SLC5A7: variants seen among roughly 807,000 people sequenced by gnomAD.
SLC5A7 encodes the protein high affinity choline transporter 1.
Under a neutral mutation model 55.4 loss-of-function variants are expected in SLC5A7, and 19 were observed. The observed-to-expected ratio is 0.34, with a 90% CI of 0.24 to 0.50. SLC5A7 has a LOEUF of 0.50. Among genes scored for constraint, SLC5A7 ranks in the 20% least tolerant of loss-of-function variants. The pLI is 0.98. For synonymous variants in SLC5A7, 265 were observed against 263.7 expected (o/e 1.00, Z -0.05); for missense variants, 506 against 705.3 (o/e 0.72, Z 3.20).
chr2:107,987,844 G>C (rs1319174736), intron 1 of SLC5A7, among the ~76,000 whole-genome samples: 1 of 152,096 alleles, frequency 6.6e-6, no homozygotes, highest in Non-Finnish European at 1.5e-5. Flanking sequence ...AAACACACAA[G>C]GATTATGATT....
intron 2 of SLC5A7, 103 bp downstream of exon 2, chr2:107,988,436 C>A: frequency 1.0e-6 from 1 of 992,188 alleles, no homozygotes; most frequent in Non-Finnish European, 1.4e-6. Flanking sequence ...TGGTCTTTGT[C>A]CTTTGGGGAT....
In SLC5A7 at chr2:108,012,251, T is replaced by C. The variant is rs1678361793; in HGVS notation, c.*1390T>C. Reference sequence around the variant, plus strand: ...TCACACCAGTCACACATTATAGAAATTACTGGAGCCATGTCTACAAAAGCA... The same window carrying C: ...TCACACCAGTCACACATTATAGAAACTACTGGAGCCATGTCTACAAAAGCA... On this transcript the variant is annotated 3_prime_UTR_variant, in exon 9 of 9. Transcript: ENST00000264047. 6.6e-6 allele frequency: 1 copy of C among 152,022 alleles called. No homozygotes were observed. Among genetic ancestry groups the C allele is most frequent in the African/African-American group, 2.4e-5 (1 of 41,396 alleles). The allele number at this position is 152,022 out of a possible 1,614,324, so 9.4% of individuals were successfully genotyped here.
intron 1 of SLC5A7, among the ~76,000 whole-genome samples, chr2:107,987,548 T>C (rs3806531): frequency 0.36 from 54,715 of 152,074 alleles, 10,104 homozygotes; most frequent in Middle Eastern, 0.54. Context: ...GTTTTTGAAA[T>C]GGATTTTTCT....
intron 5 of SLC5A7, among the ~76,000 whole-genome samples, chr2:107,999,283 A>T (rs1677794719): frequency 1.3e-5 from 2 of 152,254 alleles, no homozygotes; most frequent in African/African-American, 4.8e-5. Flanking sequence ...AATAGGGAAC[A>T]TAGAAATAAA....
At chr2:107,986,975 A>G (rs2433718) in intron 1 of SLC5A7, among the ~76,000 whole-genome samples, 124,385 of 151,968 alleles carry the variant, frequency 0.82, 51,698 homozygotes, top group African/African-American at 0.9. Context: ...GGCCGAGGAA[A>G]GGCCGCAGGG....
At chr2:108,002,337 A>T (rs188223136) in intron 6 of SLC5A7, among the ~76,000 whole-genome samples, 1 of 152,132 alleles carries the variant, frequency 6.6e-6, no homozygotes, top group Admixed American at 6.6e-5. Context: ...ACTTTCCCCA[A>T]CCTGAAGGCA....
At position 108,012,055 on chromosome 2, in the gene SLC5A7, A is replaced by G. The variant is rs915454982; in HGVS notation, c.*1194A>G. ...GAAAGCAAAAAATAAAATAAGTCCT[A>G]AAGTGAAGAAGCCATCAATTTTAAC... is the stretch of plus-strand genomic sequence containing the variant. On this transcript the variant is annotated 3_prime_UTR_variant, in exon 9 of 9. Transcript: ENST00000264047. 3 of 152,598 alleles carry G rather than the reference A, an allele frequency of 2.0e-5. No homozygotes were observed. The highest frequency in any genetic ancestry group is 7.2e-5 in the African/African-American group (3 of 41,446). 9.5% of individuals were successfully genotyped at this position (152,598 alleles called of 1,614,324 possible).
chr2:108,001,774 G>A (rs921601394), intron 5 of SLC5A7, 123 bp from the exon 6 acceptor site: 33 of 945,890 alleles, frequency 3.5e-5, no homozygotes, highest in South Asian at 1.4e-4. Context: ...CATGATTTCC[G>A]ATCCTTCTCT....
rs868444994 is a variant in SLC5A7 at position 108,000,927 on chromosome 2, T to C, written c.598-970T>C. 2.4e-3 allele frequency among the ~76,000 whole-genome samples: 335 copies of C among 140,140 alleles called. 1 individual carries two copies. Among genetic ancestry groups the C allele is most frequent in the Middle Eastern group, 0.014 (4 of 276 alleles). 91.9% of individuals were successfully genotyped at this position (140,140 alleles called of 152,430 possible). ...TTTATTTATTTTTTAATACAATTCT[T>C]TTTTTTTTTTTTTTTTTTTGAGATG... On this transcript the variant is annotated intron_variant, in intron 5 of 8. Transcript: ENST00000264047.
chr2:108,007,619 T>C (rs1165744025), intron 7 of SLC5A7, among the ~76,000 whole-genome samples: 1 of 152,132 alleles, frequency 6.6e-6, no homozygotes, highest in East Asian at 1.9e-4. Context: ...AAAATCTCAG[T>C]TAAGGCCACA....
Position 108,006,031 on chromosome 2 carries a change from C to T in SLC5A7, c.742-18C>T, listed in dbSNP as rs778319150. 5 of 1,613,502 alleles carry T rather than the reference C, an allele frequency of 3.1e-6. No individual in the cohort carries two copies. The African/African-American group carries it at 5.3e-5, about 17-fold the overall frequency. On this transcript the variant is annotated intron_variant, in intron 6 of 8. Transcript: ENST00000264047. ...ATGAATAGATGTTTGCCTCTCCATC[C>T]TTGTGTTTCCCGCACAGATGCTGGG...
intron 6 of SLC5A7, among the ~76,000 whole-genome samples, chr2:108,005,223 T>G (rs906742155): frequency 2.0e-5 from 3 of 152,210 alleles, no homozygotes; most frequent in African/African-American, 7.2e-5. Flanking sequence ...CCACATACAT[T>G]GACTCTCATA....
intron 3 of SLC5A7, 141 bp downstream of exon 3, chr2:107,992,360 C>T (rs1191090254): frequency 4.1e-6 from 2 of 485,604 alleles, no homozygotes; most frequent in African/African-American, 2.0e-5. Context: ...GGAGTCATTA[C>T]CAGAAACTGG....
chr2:107,990,547 C>G (rs1677417569), intron 2 of SLC5A7, among the ~76,000 whole-genome samples: 1 of 151,708 alleles, frequency 6.6e-6, no homozygotes, highest in Non-Finnish European at 1.5e-5. Context: ...TTCAGCAGGG[C>G]TTAGAATAAG....
At chr2:108,009,477 C>A (rs1387756209) in intron 8 of SLC5A7, among the ~76,000 whole-genome samples, 1 of 152,068 alleles carries the variant, frequency 6.6e-6, no homozygotes, top group African/African-American at 2.4e-5. Context: ...CCACGCCCCC[C>A]AACAGGTCCC....
At chr2:108,001,790 A>C (rs946481353) in intron 5 of SLC5A7, 107 bp from the exon 6 acceptor site, 12 of 1,179,644 alleles carry the variant, frequency 1.0e-5, no homozygotes, top group East Asian at 9.7e-5. Flanking sequence ...TCTCTGTCTG[A>C]ACTAGAGGAA....
chr2:107,986,967 C>G (rs946017227), intron 1 of SLC5A7, among the ~76,000 whole-genome samples: 6 of 151,980 alleles, frequency 3.9e-5, no homozygotes, highest in African/African-American at 1.4e-4. Context: ...GTAGAGGGGG[C>G]CGAGGAAAGG....
chr2:107,995,470 AGT>A (rs57328827), intron 4 of SLC5A7, among the ~76,000 whole-genome samples: 19,105 of 136,938 alleles, frequency 0.14, 1,345 homozygotes, highest in East Asian at 0.22. Context: ...AGAGAGAGAG[AGT>A]GTGTGTGTGT....
intron 7 of SLC5A7, 105 bp downstream of exon 7, chr2:108,006,307 C>T (rs1217115365): frequency 1.4e-5 from 18 of 1,257,482 alleles, no homozygotes; most frequent in Middle Eastern, 2.8e-4. Flanking sequence ...TGAATTCTTT[C>T]TCACCACATT....
Sources: gnomAD v4.1 joint callset for allele counts (sites outside exome capture counted in the v4.1 genomes callset) on GRCh38, gnomAD v4.1.1 for gene constraint, MANE v1.5 for transcripts, NCBI Gene and HGNC (gene_info 2026-07-23, HGNC 2026-07-21) for gene names.